Variants in DIXDC1 observed in about 807,000 individuals in gnomAD.
DIXDC1 encodes the protein DIX domain containing 1.
A neutral mutation model predicts 103.1 loss-of-function variants in DIXDC1; 64 were observed. The observed-to-expected ratio is 0.62, with a 90% CI of 0.51 to 0.76. DIXDC1 has a LOEUF of 0.76. Among genes scored for constraint, DIXDC1 ranks in the 30% least tolerant of loss-of-function variants. The probability of loss-of-function intolerance (pLI) is 0.00; values close to 1 mark genes in which losing one functional copy is unlikely to be tolerated. For synonymous variants in DIXDC1, 266 were observed against 298.5 expected, an observed-to-expected ratio of 0.89 and a Z score of 1.12; for missense variants, 759 against 834.2, an observed-to-expected ratio of 0.91 and a Z score of 1.11.
intron 1 of DIXDC1, among the ~76,000 whole-genome samples, chr11:111,949,022 C>T (rs1966690513): frequency 6.6e-6 from 1 of 151,820 alleles, no homozygotes; most frequent in South Asian, 2.1e-4. Flanking sequence ...CAACTGTGGG[C>T]ATATTCCTCT....
intron 1 of DIXDC1, among the ~76,000 whole-genome samples, chr11:111,954,807 A>G (rs965698153): frequency 1.3e-5 from 2 of 152,146 alleles, no homozygotes; most frequent in Non-Finnish European, 2.9e-5. Flanking sequence ...AAGGAGTTAC[A>G]CAAATAAGGA....
upstream of DIXDC1, among the ~76,000 whole-genome samples, chr11:111,933,691 C>CTCA (rs1555167881): frequency 3.6e-5 from 4 of 111,782 alleles, no homozygotes; most frequent in East Asian, 7.7e-4. Flanking sequence ...CTCTCTCTCT[C>CTCA]AAAAAAAAAA....
Position 111,968,578 on chromosome 11 carries a change from G to C in DIXDC1, c.256G>C (p.Glu86Gln), listed in dbSNP as rs1859810187. 1 of 1,612,520 alleles carries C rather than the reference G, an allele frequency of 6.2e-7. No individual in the cohort carries two copies. The highest frequency in any genetic ancestry group is 1.3e-5 in the African/African-American group (1 of 74,878). ...CCAACAGGAGATGAAGAATAATGTG[G>C]AGAAAGTGCTACAGTTTGTGGCCTC... is the stretch of plus-strand genomic sequence containing the variant. Reference protein sequence around the residue: ...GNQQEMKNNVEKVLQFVASKK... With the variant: ...GNQQEMKNNVQKVLQFVASKK... The change falls in exon 3 of 20, where the codon GAG becomes CAG. Residue 86 changes from glutamate to glutamine, a missense_variant. By Grantham distance (29) the Glu-to-Gln change is conservative (BLOSUM62 2). Transcript: ENST00000440460.
intron 10 of DIXDC1, among the ~76,000 whole-genome samples, chr11:111,989,439 A>G (rs1235462147): frequency 6.6e-6 from 1 of 152,010 alleles, no homozygotes; most frequent in Admixed American, 6.5e-5. Flanking sequence ...CCTGGCCAAC[A>G]TGGTGAAACC....
intron 17 of DIXDC1, among the ~76,000 whole-genome samples, chr11:111,997,867 CTT>C (rs1477589327): frequency 2.0e-5 from 3 of 152,158 alleles, no homozygotes; most frequent in South Asian, 2.1e-4. Flanking sequence ...TGAAATATCT[CTT>C]ATCTGAAAAT....
intron 1 of DIXDC1, among the ~76,000 whole-genome samples, chr11:111,946,276 T>A (rs1428454222): frequency 5.3e-5 from 8 of 152,122 alleles, no homozygotes; most frequent in Admixed American, 2.6e-4. Flanking sequence ...GCCCGGCTAA[T>A]TTTTTGTATT....
At position 111,939,186 on chromosome 11, in the gene DIXDC1, G is replaced by A. The variant is rs1392214800; in HGVS notation, c.60+1627G>A. Among the ~76,000 whole-genome samples the A allele has an allele frequency of 3.3e-5, 5 of 152,282 alleles. No homozygotes were observed. In the East Asian group the frequency reaches 7.7e-4, roughly 24 times the overall value. On this transcript the variant is annotated intron_variant, in intron 1 of 19. Transcript: ENST00000440460. ...GGTCCCACTGTCTGTTTAAGAGGAG[G>A]AAACCAGCACAGAGCTGGTCCTAAT... is the stretch of plus-strand genomic sequence containing the variant.
chr11:111,993,793 T>C (rs1860789529), intron 14 of DIXDC1, 53 bp downstream of exon 14: 5 of 1,590,842 alleles, frequency 3.1e-6, no homozygotes, highest in Non-Finnish European at 4.3e-6. Flanking sequence ...AACGGGGAGA[T>C]TGTGTTTCTG....
At chr11:111,967,951 C>T (rs182801408) in intron 2 of DIXDC1, among the ~76,000 whole-genome samples, 273 of 152,346 alleles carry the variant, frequency 1.8e-3, no homozygotes, top group African/African-American at 5.9e-3. Flanking sequence ...TTCAGGTAAG[C>T]GGAGCTTGGG....
chr11:111,956,866 A>G (rs1859389112), intron 1 of DIXDC1, among the ~76,000 whole-genome samples: 1 of 152,018 alleles, frequency 6.6e-6, no homozygotes, highest in African/African-American at 2.4e-5. Context: ...ACTGATATAA[A>G]TAAATAAATG....
At chr11:111,947,638 C>T (rs1233923417) in intron 1 of DIXDC1, among the ~76,000 whole-genome samples, 1 of 152,148 alleles carries the variant, frequency 6.6e-6, no homozygotes, top group Non-Finnish European at 1.5e-5. Flanking sequence ...GCTTGTCTCC[C>T]TAAATTAGAC....
chr11:111,954,938 T>C (rs1966877725), intron 1 of DIXDC1, among the ~76,000 whole-genome samples: 1 of 152,136 alleles, frequency 6.6e-6, no homozygotes, highest in African/African-American at 2.4e-5. Flanking sequence ...CATATGTATA[T>C]ATATACATTC....
chr11:111,997,254 A>G (rs1268609593), intron 17 of DIXDC1, among the ~76,000 whole-genome samples: 1 of 152,256 alleles, frequency 6.6e-6, no homozygotes, highest in Non-Finnish European at 1.5e-5. Context: ...TGTGGAGTAA[A>G]TAAAATAGCA....
At chr11:111,934,695 A>G (rs587775002), upstream of DIXDC1, among the ~76,000 whole-genome samples, 17 of 152,258 alleles carry the variant, frequency 1.1e-4, no homozygotes, top group African/African-American at 3.4e-4. Context: ...TCTTCATCTG[A>G]GCCACTTTGT....
At chr11:112,002,120 A>C (rs1338961987) in intron 17 of DIXDC1, among the ~76,000 whole-genome samples, 2 of 152,070 alleles carry the variant, frequency 1.3e-5, no homozygotes, top group Non-Finnish European at 1.5e-5. Flanking sequence ...AGCCACAGAC[A>C]CGAGGAATTT....
upstream of DIXDC1, chr11:111,937,114 C>T (rs1966217789): frequency 1.5e-6 from 1 of 650,854 alleles, no homozygotes; most frequent in Non-Finnish European, 1.9e-6. Context: ...GCACACACGC[C>T]CGTGCTGCGG....
At chr11:111,952,971 C>T (rs1188926465) in intron 1 of DIXDC1, among the ~76,000 whole-genome samples, 2 of 152,084 alleles carry the variant, frequency 1.3e-5, no homozygotes, top group Non-Finnish European at 2.9e-5. Context: ...GCCTGGGCAA[C>T]AGAGCAAGAC....
At chr11:111,962,729 G>T (rs1859622708) in intron 1 of DIXDC1, among the ~76,000 whole-genome samples, 1 of 152,194 alleles carries the variant, frequency 6.6e-6, no homozygotes, top group African/African-American at 2.4e-5. Context: ...GGTTGAGGAT[G>T]ATAATAGATA....
chr11:111,947,665 C>A (rs1341311633), intron 1 of DIXDC1, among the ~76,000 whole-genome samples: 1 of 152,202 alleles, frequency 6.6e-6, no homozygotes, highest in African/African-American at 2.4e-5. Flanking sequence ...GGAGAGGCAG[C>A]AGCCTAAAGA....
Sources: gnomAD v4.1 joint callset for allele counts (sites outside exome capture counted in the v4.1 genomes callset) on GRCh38, gnomAD v4.1.1 for gene constraint, MANE v1.5 for transcripts, NCBI Gene and HGNC (gene_info 2026-07-23, HGNC 2026-07-21) for gene names.